TMEM114: variants seen among roughly 807,000 people sequenced by gnomAD.
The protein encoded by TMEM114 is transmembrane protein 114.
A neutral mutation model predicts 6.2 loss-of-function variants in TMEM114; 6 were observed. That is an observed-to-expected ratio of 0.97 (90% CI 0.53 to 1.91). The LOEUF (loss-of-function observed/expected upper bound fraction) is 1.91. Ranked by LOEUF, TMEM114 falls within the 40% of genes most tolerant of loss-of-function variation. The pLI is 0.01. For missense variants in TMEM114, 218 were observed against 158.3 expected (o/e 1.38, Z -2.02); for synonymous variants, 104 against 73.0 (o/e 1.42, Z -2.16).
chr16:8,557,505 C>T (rs1209129415), intron 2 of TMEM114, among the ~76,000 whole-genome samples: 1 of 152,202 alleles, frequency 6.6e-6, no homozygotes, highest in East Asian at 1.9e-4. Flanking sequence ...CCAGCTGAGT[C>T]CTTCTGCAAT....
At chr16:8,540,303 G>C (rs1900478620) in intron 2 of TMEM114, among the ~76,000 whole-genome samples, 1 of 152,158 alleles carries the variant, frequency 6.6e-6, no homozygotes, top group Admixed American at 6.5e-5. Flanking sequence ...CTCAGATAGA[G>C]GTAGGAGCTC....
chr16:8,543,878 A>G (rs1900586632), intron 2 of TMEM114, among the ~76,000 whole-genome samples: 1 of 152,224 alleles, frequency 6.6e-6, no homozygotes, highest in Non-Finnish European at 1.5e-5. Context: ...ACGCTTTGTC[A>G]AAGTCCATAA....
chr16:8,548,077 G>A (rs573177335), intron 2 of TMEM114, among the ~76,000 whole-genome samples: 4 of 152,122 alleles, frequency 2.6e-5, no homozygotes, highest in Non-Finnish European at 5.9e-5. Context: ...TCACGCTCCT[G>A]GAACGGCTGC....
downstream of TMEM114, among the ~76,000 whole-genome samples, chr16:8,533,969 C>T (rs1197424592): frequency 6.6e-6 from 1 of 152,176 alleles, no homozygotes; most frequent in Non-Finnish European, 1.5e-5. Context: ...CCACGAAAGG[C>T]AACCCTTCTG....
At chr16:8,561,351 C>T (rs375475296) in intron 2 of TMEM114, among the ~76,000 whole-genome samples, 2 of 152,264 alleles carry the variant, frequency 1.3e-5, no homozygotes, top group African/African-American at 4.8e-5. Context: ...ACAACACACT[C>T]TTCCCTGCCA....
intron 2 of TMEM114, among the ~76,000 whole-genome samples, chr16:8,541,572 T>TCA (rs1900516829): frequency 6.6e-6 from 1 of 152,140 alleles, no homozygotes; most frequent in African/African-American, 2.4e-5. Context: ...ACATGAAGCT[T>TCA]CATTCCAGTC....
chr16:8,563,358 TGAGGGAGGGAGG>T (rs1268897203), intron 2 of TMEM114, among the ~76,000 whole-genome samples: 1 of 147,216 alleles, frequency 6.8e-6, no homozygotes, highest in Admixed American at 6.7e-5. Context: ...AATGAGTGAG[TGAGGGAGGGAGG>T]GAATGAGTGA....
At chr16:8,563,399 AAACGAG>A (rs1901360399) in intron 2 of TMEM114, among the ~76,000 whole-genome samples, 2 of 134,672 alleles carry the variant, frequency 1.5e-5, no homozygotes, top group Non-Finnish European at 1.6e-5. Context: ...GTGAATGAGT[AAACGAG>A]TGAGTTAATT....
intron 2 of TMEM114, among the ~76,000 whole-genome samples, chr16:8,561,997 T>C (rs1901236539): frequency 6.6e-6 from 1 of 150,704 alleles, no homozygotes; most frequent in Non-Finnish European, 1.5e-5. Context: ...AGTATATGAA[T>C]GAGTAAATGA....
chr16:8,540,071 G>A (rs755294559), intron 2 of TMEM114, among the ~76,000 whole-genome samples: 20 of 152,176 alleles, frequency 1.3e-4, no homozygotes, highest in East Asian at 1.2e-3. Flanking sequence ...TGATCCACCC[G>A]CCTCAGCCTC....
downstream of TMEM114, among the ~76,000 whole-genome samples, chr16:8,534,303 A>G (rs1224532187): frequency 6.6e-6 from 1 of 152,146 alleles, no homozygotes; most frequent in Non-Finnish European, 1.5e-5. Flanking sequence ...GCCAAAGACA[A>G]ACCAGTCCAT....
chr16:8,531,648 G>A, the TMEM114 span, among the ~76,000 whole-genome samples: 1 of 152,158 alleles, frequency 6.6e-6, no homozygotes, highest in Non-Finnish European at 1.5e-5. Context: ...GTGATTTTTG[G>A]TGAACTCATC....
chr16:8,579,238 G>A (rs777544243), intron 2 of TMEM114, among the ~76,000 whole-genome samples: 11 of 152,134 alleles, frequency 7.2e-5, no homozygotes, highest in Non-Finnish European at 1.5e-4. Context: ...AGGAAGCCCC[G>A]AGCGGTCAAT....
At chr16:8,576,504 C>G (rs958718906) in intron 2 of TMEM114, among the ~76,000 whole-genome samples, 2 of 152,178 alleles carry the variant, frequency 1.3e-5, no homozygotes, top group Non-Finnish European at 2.9e-5. Context: ...CAGGGGCTCT[C>G]CCAGGCACTG....
chr16:8,589,205 G>T lies in TMEM114; in HGVS notation c.301+8C>A. The T allele has an allele frequency of 2.5e-6, 1 of 398,854 alleles. No individual in the cohort carries two copies. 24.7% of individuals were successfully genotyped at this position (398,854 alleles called of 1,614,324 possible). On this transcript the variant is annotated splice_region_variant and intron_variant, in intron 2 of 3. Coordinates refer to ENST00000620492, the MANE Select transcript of TMEM114 (RefSeq NM_001146336.2). ...CGCTCCCTCCATCCTCACCCTCCCC[G>T]GACTCACTGAGAAGTTGCCGGCTCG...
intron 2 of TMEM114, among the ~76,000 whole-genome samples, chr16:8,557,463 C>G (rs903152011): frequency 6.6e-6 from 1 of 152,202 alleles, no homozygotes; most frequent in Non-Finnish European, 1.5e-5. Flanking sequence ...CCAGCTCCAG[C>G]TACTGCATGA....
At chr16:8,569,336 C>G (rs1268877179), downstream of TMEM114, among the ~76,000 whole-genome samples, 1 of 152,072 alleles carries the variant, frequency 6.6e-6, no homozygotes, top group African/African-American at 2.4e-5. Context: ...AAAGGAACTC[C>G]AGGCCAGAGC....
chr16:8,570,486 C>T (rs1596308942), intron 3 of TMEM114, among the ~76,000 whole-genome samples: 2 of 152,118 alleles, frequency 1.3e-5, no homozygotes, highest in African/African-American at 2.4e-5. Flanking sequence ...TGCCCGCCAC[C>T]GCGCCCGGCT....
At chr16:8,562,208 A>ATGAGTGAGGGAATGAG (rs1901257131) in intron 2 of TMEM114, among the ~76,000 whole-genome samples, 3 of 144,744 alleles carry the variant, frequency 2.1e-5, no homozygotes, top group Admixed American at 6.9e-5. Context: ...GAGTCAGTGA[A>ATGAGTGAGGGAATGAG]TGAGTGAGTA....
Sources: gnomAD v4.1 joint callset for allele counts (sites outside exome capture counted in the v4.1 genomes callset) on GRCh38, gnomAD v4.1.1 for gene constraint, MANE v1.5 for transcripts, NCBI Gene and HGNC (gene_info 2026-07-23, HGNC 2026-07-21) for gene names.